TMPRSS15: variants seen among roughly 807,000 people sequenced by gnomAD.
TMPRSS15 encodes the protein enteropeptidase.
Under a neutral mutation model 125.3 loss-of-function variants are expected in TMPRSS15, and 128 were observed. That is an observed-to-expected ratio of 1.02 (90% CI 0.89 to 1.18). The LOEUF (loss-of-function observed/expected upper bound fraction) is 1.18, where lower values mean the gene tolerates loss of function less well. Among genes scored for constraint, TMPRSS15 ranks in the 50% most tolerant of loss-of-function variants. TMPRSS15 has a pLI of 0.00. For missense variants in TMPRSS15, 1,283 were observed against 1,212.7 expected, an observed-to-expected ratio of 1.06 and a Z score of -0.86; for synonymous variants, 446 against 423.2, an observed-to-expected ratio of 1.05 and a Z score of -0.66.
intron 24 of TMPRSS15, among the ~76,000 whole-genome samples, chr21:18,272,743 TAATA>T (rs1264098907): frequency 1.3e-5 from 2 of 152,040 alleles, no homozygotes; most frequent in South Asian, 2.1e-4. Context: ...AATAAATAAA[TAATA>T]AATAAATACA....
At chr21:18,325,932 G>A (rs903880467) in intron 16 of TMPRSS15, among the ~76,000 whole-genome samples, 3 of 151,756 alleles carry the variant, frequency 2.0e-5, no homozygotes, top group Non-Finnish European at 2.9e-5. Flanking sequence ...ACCTAGTGTC[G>A]GAGGGTTGGG....
At position 18,410,842 on chromosome 21, in the gene TMPRSS15, T is replaced by C. The variant is rs576006437; in HGVS notation, c.11-12513A>G. ...TTCTGACCTAAAGAACTAAAGACTA[T>C]GCCAATTTTATTCAACTTAAGGATA... is the stretch of plus-strand genomic sequence containing the variant. On this transcript the variant is annotated intron_variant, in intron 1 of 7. Transcript: ENST00000422787. 1.3e-4 allele frequency among the ~76,000 whole-genome samples: 20 copies of C among 152,248 alleles called. 1 individual carries two copies. In the South Asian group the frequency reaches 3.3e-3, roughly 25 times the overall value.
At chr21:18,341,978 C>A (rs1374433668) in intron 12 of TMPRSS15, among the ~76,000 whole-genome samples, 1 of 152,076 alleles carries the variant, frequency 6.6e-6, no homozygotes, top group Non-Finnish European at 1.5e-5. Flanking sequence ...GCATACAAAG[C>A]CTGAAGAGAA....
intron 3 of TMPRSS15, among the ~76,000 whole-genome samples, chr21:18,396,804 G>GTCTGTCTGTCTGTCTGTCTGTCTA (rs2076043444): frequency 1.2e-4 from 12 of 96,548 alleles, no homozygotes; most frequent in Non-Finnish European, 2.0e-5. Context: ...CTGTCTGTCT[G>GTCTGTCTGTCTGTCTGTCTGTCTA]TCTGTCTATC....
intron 3 of TMPRSS15, among the ~76,000 whole-genome samples, chr21:18,395,694 T>A (rs1380682859): frequency 1.3e-5 from 2 of 152,206 alleles, no homozygotes; most frequent in Non-Finnish European, 2.9e-5. Context: ...TTAGTGTTAT[T>A]ATGATGCCTT....
Position 18,297,698 on chromosome 21 carries a change from T to G in TMPRSS15, c.2261+36A>C, listed in dbSNP as rs762309586. The G allele has an allele frequency of 9.4e-6, 14 of 1,487,280 alleles. No individual in the cohort carries two copies. The Admixed American group carries it at 1.5e-4, about 16-fold the overall frequency. 92.1% of individuals were successfully genotyped at this position (1,487,280 alleles called of 1,614,324 possible). A position where few individuals can be genotyped will look rare whatever the true frequency, so the allele number is the denominator to read the frequency against. On this transcript the variant is annotated intron_variant, in intron 19 of 24. Coordinates refer to ENST00000284885, the MANE Select transcript of TMPRSS15 (RefSeq NM_002772.3). ...AACAATCTATCTTCTGCCATGTCTA[T>G]GTACAACTAGTCTAAGAACAGATTT...
chr21:18,404,766 A>C (rs1455554641), upstream of TMPRSS15, among the ~76,000 whole-genome samples: 1 of 152,138 alleles, frequency 6.6e-6, no homozygotes, highest in Non-Finnish European at 1.5e-5. Flanking sequence ...GATGAACAGT[A>C]GCTGCTTTTC....
At chr21:18,483,094 G>A (rs866085252) in intron 1 of TMPRSS15, among the ~76,000 whole-genome samples, 43 of 151,714 alleles carry the variant, frequency 2.8e-4, no homozygotes, top group Admixed American at 1.9e-3. Context: ...AGAAATTCCA[G>A]TTTTACCTCA....
chr21:18,359,147 G>A (rs992420368), intron 8 of TMPRSS15, among the ~76,000 whole-genome samples: 4 of 152,050 alleles, frequency 2.6e-5, no homozygotes, highest in South Asian at 4.1e-4. Flanking sequence ...TTTGGGGCCC[G>A]GTGGAATAAA....
Position 18,294,366 on chromosome 21 carries a change from G to A in TMPRSS15, c.2390C>T (p.Pro797Leu). ...GCCATAATACAGACCCACAACCCAG[G>A]GCCAGGCCCCTTCTTTGGCATTACT... ...GGSNAKEGAW[P>L]WVVGLYYGGR... The change falls in exon 21 of 25, where the codon CCC becomes CTC. Residue 797 changes from proline (P) to leucine (L), a missense_variant. Transcript: ENST00000284885. 1 of 1,614,220 alleles carries A rather than the reference G, an allele frequency of 6.2e-7. No homozygotes were observed. Among genetic ancestry groups the A allele is most frequent in the South Asian group, 1.1e-5 (1 of 91,088 alleles).
At chr21:18,467,400 T>TATAATAATA (rs367778639) in intron 1 of TMPRSS15, among the ~76,000 whole-genome samples, 6,022 of 150,242 alleles carry the variant, frequency 0.04, 370 homozygotes, top group African/African-American at 0.13. Context: ...GAATGAAAAG[T>TATAATAATA]ATAATAATAA....
intron 18 of TMPRSS15, among the ~76,000 whole-genome samples, chr21:18,311,749 A>G (rs2075103218): frequency 6.6e-6 from 1 of 152,192 alleles, no homozygotes; most frequent in African/African-American, 2.4e-5. Context: ...TATATTCAAA[A>G]GAAAGGAACT....
intron 3 of TMPRSS15, among the ~76,000 whole-genome samples, chr21:18,390,174 T>C (rs995221363): frequency 1.6e-4 from 25 of 152,212 alleles, no homozygotes; most frequent in African/African-American, 5.3e-4. Flanking sequence ...CATAAAACTT[T>C]CCATGACCCA....
intron 18 of TMPRSS15, 152 bp downstream of exon 18, chr21:18,312,793 G>GGGTTAA: frequency 1.1e-6 from 1 of 938,372 alleles, no homozygotes; most frequent in Non-Finnish European, 1.6e-6. Flanking sequence ...CTTGAAAATG[G>GGGTTAA]GGTTAATCAA....
chr21:18,303,531 G>T (rs867393861), intron 18 of TMPRSS15, among the ~76,000 whole-genome samples: 1 of 152,170 alleles, frequency 6.6e-6, no homozygotes, highest in Admixed American at 6.5e-5. Flanking sequence ...AAAGCAGAAT[G>T]AATAAGGAAG....
intron 1 of TMPRSS15, among the ~76,000 whole-genome samples, chr21:18,400,221 AT>A (rs1333344116): frequency 6.6e-6 from 1 of 152,158 alleles, no homozygotes; most frequent in Non-Finnish European, 1.5e-5. Flanking sequence ...ATCATAAAAA[AT>A]GATTCAAAAA....
intron 5 of TMPRSS15, among the ~76,000 whole-genome samples, chr21:18,378,646 T>C (rs1032599048): frequency 6.6e-6 from 1 of 152,064 alleles, no homozygotes; most frequent in Non-Finnish European, 1.5e-5. Flanking sequence ...CAATATTGCC[T>C]TTATTGAATT....
At chr21:18,418,942 T>C (rs940073902) in intron 1 of TMPRSS15, among the ~76,000 whole-genome samples, 1 of 152,146 alleles carries the variant, frequency 6.6e-6, no homozygotes, top group Non-Finnish European at 1.5e-5. Context: ...AAGCCGACCA[T>C]ACAAGTTAGA....
intron 15 of TMPRSS15, among the ~76,000 whole-genome samples, chr21:18,327,762 T>G (rs1446334460): frequency 6.6e-6 from 1 of 152,206 alleles, no homozygotes; most frequent in African/African-American, 2.4e-5. Flanking sequence ...AAAACACTTT[T>G]TAGTTGTGCC....
Sources: gnomAD v4.1 joint callset for allele counts (sites outside exome capture counted in the v4.1 genomes callset) on GRCh38, gnomAD v4.1.1 for gene constraint, MANE v1.5 for transcripts, NCBI Gene and HGNC (gene_info 2026-07-23, HGNC 2026-07-21) for gene names.